EXOC6B: variants seen among roughly 807,000 people sequenced by gnomAD.
The protein encoded by EXOC6B is exocyst complex component 6B.
A neutral mutation model predicts 113.5 loss-of-function variants in EXOC6B; 54 were observed. That is an observed-to-expected ratio of 0.48 (90% CI 0.38 to 0.60). EXOC6B has a LOEUF of 0.60. Ranked by LOEUF, EXOC6B falls within the 20% of genes least tolerant of loss-of-function variation. The pLI, the probability that EXOC6B is intolerant of heterozygous loss-of-function variation, is 0.00. For missense variants in EXOC6B, 797 were observed against 977.5 expected (o/e 0.82, Z 2.46); for synonymous variants, 357 against 339.0 (o/e 1.05, Z -0.58).
intron 9 of EXOC6B, 75 bp downstream of exon 9, chr2:72,514,968 C>G (rs1301971315): frequency 7.7e-7 from 1 of 1,292,040 alleles, no homozygotes; most frequent in Non-Finnish European, 1.1e-6. Flanking sequence ...CACACACACA[C>G]ACACACACAC....
intron 6 of EXOC6B, among the ~76,000 whole-genome samples, chr2:72,602,182 C>T (rs1276729471): frequency 6.6e-6 from 1 of 151,910 alleles, no homozygotes; most frequent in Non-Finnish European, 1.5e-5. Flanking sequence ...ATAGTCACCT[C>T]AGAAAAAGAA....
At chr2:72,654,424 G>A (rs1179394534) in intron 6 of EXOC6B, among the ~76,000 whole-genome samples, 3 of 152,126 alleles carry the variant, frequency 2.0e-5, no homozygotes, top group Admixed American at 6.5e-5. Flanking sequence ...TAATTAGCAG[G>A]GTTAGACAAG....
intron 20 of EXOC6B, among the ~76,000 whole-genome samples, chr2:72,326,207 C>T (rs1688120371): frequency 6.6e-6 from 1 of 152,174 alleles, no homozygotes; most frequent in South Asian, 2.1e-4. Flanking sequence ...TCTGATACCA[C>T]TGCTACTCCC....
At chr2:72,317,909 C>T (rs1420523425) in intron 20 of EXOC6B, among the ~76,000 whole-genome samples, 2 of 152,156 alleles carry the variant, frequency 1.3e-5, no homozygotes, top group East Asian at 3.9e-4. Flanking sequence ...AGCATCAAAG[C>T]TCTGGAAAGA....
chr2:72,818,175 C>T (rs528141102), intron 1 of EXOC6B, among the ~76,000 whole-genome samples: 14 of 152,154 alleles, frequency 9.2e-5, no homozygotes, highest in African/African-American at 3.4e-4. Context: ...AGACGAGTCT[C>T]GCACTGTCTC....
At chr2:72,500,981 T>C (rs1700290515) in intron 11 of EXOC6B, among the ~76,000 whole-genome samples, 1 of 152,166 alleles carries the variant, frequency 6.6e-6, no homozygotes, top group African/African-American at 2.4e-5. Flanking sequence ...CGATACCAAA[T>C]ATCCATCTCC....
chr2:72,638,606 G>C (rs1003200958), intron 6 of EXOC6B, among the ~76,000 whole-genome samples: 1 of 152,180 alleles, frequency 6.6e-6, no homozygotes, highest in Non-Finnish European at 1.5e-5. Context: ...TGGGTGAGTT[G>C]AACTGGCAAG....
intron 8 of EXOC6B, among the ~76,000 whole-genome samples, chr2:72,537,691 C>A (rs1198371036): frequency 1.3e-5 from 2 of 152,066 alleles, no homozygotes; most frequent in Non-Finnish European, 2.9e-5. Flanking sequence ...TATAAAAATT[C>A]TAGCGGAATT....
At chr2:72,685,332 C>T (rs1677012817) in intron 6 of EXOC6B, among the ~76,000 whole-genome samples, 1 of 152,116 alleles carries the variant, frequency 6.6e-6, no homozygotes, top group African/African-American at 2.4e-5. Flanking sequence ...TTGTGGCAAG[C>T]AAAGTCAATT....
intron 6 of EXOC6B, among the ~76,000 whole-genome samples, chr2:72,685,584 C>T (rs538289560): frequency 1.3e-5 from 2 of 152,282 alleles, no homozygotes; most frequent in South Asian, 4.1e-4. Context: ...ACTAGATCCC[C>T]TTTAGGGGAG....
chr2:72,667,926 CA>C (rs1675511615), intron 6 of EXOC6B, among the ~76,000 whole-genome samples: 1 of 152,162 alleles, frequency 6.6e-6, no homozygotes, highest in Admixed American at 6.5e-5. Flanking sequence ...TATCAATAAA[CA>C]GGCAACCTAC....
intron 8 of EXOC6B, among the ~76,000 whole-genome samples, chr2:72,542,282 TAA>T (rs924495628): frequency 6.7e-6 from 1 of 149,348 alleles, no homozygotes. Context: ...GATTCTGAAG[TAA>T]AAAAAAAATG....
At chr2:72,208,938 A>C (rs890677606) in intron 20 of EXOC6B, among the ~76,000 whole-genome samples, 5 of 152,130 alleles carry the variant, frequency 3.3e-5, no homozygotes, top group African/African-American at 1.2e-4. Context: ...GAAATATTTA[A>C]TCTTGCTGGG....
chr2:72,281,920 G>A (rs890220709), intron 20 of EXOC6B, among the ~76,000 whole-genome samples: 115 of 152,226 alleles, frequency 7.6e-4, no homozygotes, highest in African/African-American at 2.7e-3. Context: ...CTTCCAAGAA[G>A]CTGCAACAAG....
chr2:72,202,968 G>A (rs1212548363), intron 20 of EXOC6B, among the ~76,000 whole-genome samples: 1 of 152,190 alleles, frequency 6.6e-6, no homozygotes, highest in African/African-American at 2.4e-5. Context: ...CTAAGAGCCG[G>A]CCAGTTCACG....
At chr2:72,594,042 A>C (rs1669914556) in intron 6 of EXOC6B, among the ~76,000 whole-genome samples, 1 of 152,160 alleles carries the variant, frequency 6.6e-6, no homozygotes. Context: ...GTGCAGTGAC[A>C]TGAACACAGC....
chr2:72,676,377 ATGT>A (rs1676316430), intron 6 of EXOC6B, among the ~76,000 whole-genome samples: 1 of 152,202 alleles, frequency 6.6e-6, no homozygotes, highest in Admixed American at 6.5e-5. Flanking sequence ...TGTCATAGAA[ATGT>A]TGTAAACACT....
chr2:72,556,705 T>C (rs1431525836), intron 8 of EXOC6B, among the ~76,000 whole-genome samples: 2 of 152,044 alleles, frequency 1.3e-5, no homozygotes, highest in African/African-American at 4.8e-5. Context: ...ATATTAAATG[T>C]AGTATAAAGT....
chr2:72,319,892 G>A (rs532658187), intron 20 of EXOC6B, among the ~76,000 whole-genome samples: 1 of 151,958 alleles, frequency 6.6e-6, no homozygotes, highest in South Asian at 2.1e-4. Flanking sequence ...CTGAAGTGCA[G>A]TGGTGCGATC....
Sources: allele counts gnomAD v4.1 joint callset (sites outside exome capture counted in the v4.1 genomes callset), GRCh38; gene constraint gnomAD v4.1.1; transcripts MANE v1.5; gene names NCBI Gene and HGNC (gene_info 2026-07-23, HGNC 2026-07-21).